MALRD1: variants seen among roughly 807,000 people sequenced by gnomAD.
MALRD1 encodes MAM and LDL receptor class A domain containing 1.
MALRD1 carries 247 observed loss-of-function variants against 242.1 expected under a neutral mutation model. The ratio of observed to expected loss-of-function variants is 1.02; its 90% confidence interval spans 0.92 to 1.13. The LOEUF is 1.13. MALRD1 is among the 50% of genes most tolerant of loss of function. The pLI is 0.00. For missense variants in MALRD1, 2,989 were observed against 2,533.1 expected, an observed-to-expected ratio of 1.18 and a Z score of -3.86; for synonymous variants, 995 against 866.6, an observed-to-expected ratio of 1.15 and a Z score of -2.60.
intron 5 of MALRD1, among the ~76,000 whole-genome samples, chr10:19,111,593 T>C (rs1020001036): frequency 6.6e-6 from 1 of 152,228 alleles, no homozygotes; most frequent in African/African-American, 2.4e-5. Context: ...TTGCACACTT[T>C]CAAAGATAAA....
At chr10:19,369,216 TA>T (rs1012797411) in intron 26 of MALRD1, among the ~76,000 whole-genome samples, 12 of 146,280 alleles carry the variant, frequency 8.2e-5, no homozygotes, top group Non-Finnish European at 1.8e-4. Flanking sequence ...ATTTGAATAT[TA>T]ATTCTTGTAT....
intron 14 of MALRD1, among the ~76,000 whole-genome samples, chr10:19,183,962 A>G (rs11008837): frequency 0.11 from 16,745 of 152,120 alleles, 961 homozygotes; most frequent in East Asian, 0.18. Flanking sequence ...ATGTTAAATT[A>G]TCTCTGATTT....
chr10:19,345,155 T>C (rs1844056475), intron 24 of MALRD1, among the ~76,000 whole-genome samples: 1 of 152,122 alleles, frequency 6.6e-6, no homozygotes, highest in South Asian at 2.1e-4. Flanking sequence ...CACTGGTATA[T>C]TAGAAATAAA....
intron 21 of MALRD1, among the ~76,000 whole-genome samples, chr10:19,313,469 CT>C: frequency 6.6e-6 from 1 of 151,246 alleles, no homozygotes; most frequent in East Asian, 2.0e-4. Flanking sequence ...TTTTGTGAGA[CT>C]TTTTTCCCCA....
intron 26 of MALRD1, among the ~76,000 whole-genome samples, chr10:19,357,114 A>AT (rs140981586): frequency 5.3e-5 from 8 of 151,462 alleles, no homozygotes; most frequent in African/African-American, 9.7e-5. Context: ...TGTCTGAAAA[A>AT]AAAAAATAAA....
At chr10:19,312,796 A>C (rs568359192) in intron 21 of MALRD1, among the ~76,000 whole-genome samples, 17 of 151,524 alleles carry the variant, frequency 1.1e-4, no homozygotes, top group Non-Finnish European at 2.4e-4. Flanking sequence ...ATTTAGATGA[A>C]ATTAGATTTT....
chr10:19,357,383 A>T (rs1435176611), intron 26 of MALRD1, among the ~76,000 whole-genome samples: 1 of 151,998 alleles, frequency 6.6e-6, no homozygotes, highest in Non-Finnish European at 1.5e-5. Context: ...CAAAAAAAAA[A>T]GTCTCATTTT....
chr10:19,383,228 G>T (rs1845911237), intron 26 of MALRD1, among the ~76,000 whole-genome samples: 1 of 151,934 alleles, frequency 6.6e-6, no homozygotes, highest in African/African-American at 2.4e-5. Context: ...AGTAAGCCCT[G>T]GTGTCTGTTG....
In MALRD1 at chr10:19,268,919, A is replaced by G. The variant is rs1840079547; in HGVS notation, c.3080-11128A>G. Among the ~76,000 whole-genome samples, 2 of 152,210 alleles carry G rather than the reference A, an allele frequency of 1.3e-5. 1 individual carries two copies. The highest frequency in any genetic ancestry group is 4.1e-4 in the South Asian group (2 of 4,824). On this transcript the variant is annotated intron_variant, in intron 19 of 39. Coordinates refer to ENST00000454679, the MANE Select transcript of MALRD1 (RefSeq NM_001142308.3). ...ATCTACTTATGAAATCTTCCACATGACAGATGTACAGGTAGTTTGGTTCCC... is the reference window on the plus strand; with the variant it reads ...ATCTACTTATGAAATCTTCCACATGGCAGATGTACAGGTAGTTTGGTTCCC...
In MALRD1 at chr10:19,366,004, C is replaced by T. The variant is rs977084983; in HGVS notation, c.4441+13707C>T. ...TTGTGTGAATTTTAGAGTAGCGATCCACAACCTTTTTGGCACCAGGGACCG... is the reference window on the plus strand; with the variant it reads ...TTGTGTGAATTTTAGAGTAGCGATCTACAACCTTTTTGGCACCAGGGACCG... On this transcript the variant is annotated intron_variant, in intron 26 of 39. Coordinates refer to ENST00000454679, the MANE Select transcript of MALRD1 (RefSeq NM_001142308.3). 2.0e-5 allele frequency among the ~76,000 whole-genome samples: 3 copies of T among 152,138 alleles called. No individual in the cohort carries two copies. In the East Asian group the frequency reaches 5.8e-4, roughly 29 times the overall value.
At chr10:19,138,101 G>A (rs1489498558) in intron 10 of MALRD1, among the ~76,000 whole-genome samples, 1 of 152,154 alleles carries the variant, frequency 6.6e-6, no homozygotes, top group African/African-American at 2.4e-5. Flanking sequence ...GAGAGGAGAT[G>A]AGAAAGTAAG....
chr10:19,194,096 A>G (rs1239245832), intron 14 of MALRD1, among the ~76,000 whole-genome samples: 1 of 152,014 alleles, frequency 6.6e-6, no homozygotes, highest in African/African-American at 2.4e-5. Flanking sequence ...CCATAGTACT[A>G]ACAATCTTCT....
chr10:19,155,041 T>C (rs1588622989), intron 11 of MALRD1, 34 bp from the exon 12 acceptor site: 16 of 1,166,924 alleles, frequency 1.4e-5, no homozygotes, highest in East Asian at 3.2e-5. Context: ...GTAAGAGAAC[T>C]TGCATCCCTA....
intron 38 of MALRD1, among the ~76,000 whole-genome samples, chr10:19,696,334 A>G (rs1034268915): frequency 6.6e-6 from 1 of 152,198 alleles, no homozygotes; most frequent in African/African-American, 2.4e-5. Flanking sequence ...AAAAGATTTA[A>G]TAACATTTTT....
At chr10:19,623,273 A>G (rs956573379) in intron 36 of MALRD1, among the ~76,000 whole-genome samples, 1 of 152,146 alleles carries the variant, frequency 6.6e-6, no homozygotes, top group South Asian at 2.1e-4. Flanking sequence ...AAGTACAAAT[A>G]TCCCTAATAC....
intron 26 of MALRD1, among the ~76,000 whole-genome samples, chr10:19,380,978 A>G (rs1481509240): frequency 6.6e-6 from 1 of 151,042 alleles, no homozygotes; most frequent in Non-Finnish European, 1.5e-5. Flanking sequence ...TTACATATGT[A>G]CACATGTGCC....
chr10:19,446,338 C>A (rs1834978940), intron 28 of MALRD1, among the ~76,000 whole-genome samples: 1 of 151,950 alleles, frequency 6.6e-6, no homozygotes, highest in Admixed American at 6.6e-5. Flanking sequence ...GTTGGAAATG[C>A]AGAAAAATAC....
chr10:19,511,203 G>A (rs1833387108), intron 31 of MALRD1, among the ~76,000 whole-genome samples: 2 of 152,278 alleles, frequency 1.3e-5, no homozygotes, highest in South Asian at 4.1e-4. Flanking sequence ...AAATTGAATT[G>A]TATAGATCAA....
At chr10:19,513,447 T>C (rs1363302888) in intron 31 of MALRD1, among the ~76,000 whole-genome samples, 1 of 146,612 alleles carries the variant, frequency 6.8e-6, no homozygotes, top group Non-Finnish European at 1.5e-5. Context: ...TTTTTGAAAA[T>C]TATCCAACCT....
Sources: gnomAD v4.1 joint callset for allele counts (sites outside exome capture counted in the v4.1 genomes callset) on GRCh38, gnomAD v4.1.1 for gene constraint, MANE v1.5 for transcripts, NCBI Gene and HGNC (gene_info 2026-07-23, HGNC 2026-07-21) for gene names.